SIM2: variants seen among roughly 807,000 people sequenced by gnomAD.
SIM2 encodes the protein single-minded homolog 2.
A neutral mutation model predicts 64.8 loss-of-function variants in SIM2; 28 were observed. The ratio of observed to expected loss-of-function variants is 0.43; its 90% CI spans 0.32 to 0.59. SIM2 has a LOEUF of 0.59. Ranked by LOEUF, SIM2 falls within the 20% of genes least tolerant of loss-of-function variation. SIM2 has a pLI of 0.07. For missense variants in SIM2, 847 were observed against 871.4 expected, an observed-to-expected ratio of 0.97 and a Z score of 0.35; for synonymous variants, 408 against 391.1, an observed-to-expected ratio of 1.04 and a Z score of -0.51.
chr21:36,725,422 A>G (rs2088877423), intron 5 of SIM2, among the ~76,000 whole-genome samples: 1 of 152,160 alleles, frequency 6.6e-6, no homozygotes, highest in African/African-American at 2.4e-5. Flanking sequence ...GTTCAATCCC[A>G]TTGGAAGGTG....
At chr21:36,709,627 G>A (rs1188300291) in intron 2 of SIM2, 1 of 386,392 alleles carries the variant, frequency 2.6e-6, no homozygotes, top group Admixed American at 3.6e-5. Flanking sequence ...AGAAATGATT[G>A]GGCTGCTCTG....
At chr21:36,743,361 T>C (rs1381768373) in intron 8 of SIM2, 26 bp from the exon 9 acceptor site, 1 of 1,597,300 alleles carries the variant, frequency 6.3e-7, no homozygotes, top group Non-Finnish European at 8.5e-7. Context: ...CTGCTGGACA[T>C]GACTCGGCCC....
At chr21:36,717,698 C>A (rs1368946954) in intron 3 of SIM2, among the ~76,000 whole-genome samples, 1 of 152,042 alleles carries the variant, frequency 6.6e-6, no homozygotes, top group Admixed American at 6.6e-5. Flanking sequence ...CCGCCTGCCT[C>A]GGCCTACCAA....
At chr21:36,740,232 C>A (rs1186041093) in intron 7 of SIM2, among the ~76,000 whole-genome samples, 1 of 151,898 alleles carries the variant, frequency 6.6e-6, no homozygotes, top group Non-Finnish European at 1.5e-5. Context: ...CCAAAAGGAG[C>A]CTGTCACCCC....
chr21:36,722,762 G>T (rs966807326), intron 4 of SIM2, among the ~76,000 whole-genome samples: 5 of 152,320 alleles, frequency 3.3e-5, no homozygotes, highest in African/African-American at 9.6e-5. Flanking sequence ...CCAGGAGCGG[G>T]CGACGGCAGG....
At chr21:36,738,572 C>T (rs991132813) in intron 7 of SIM2, among the ~76,000 whole-genome samples, 3 of 152,186 alleles carry the variant, frequency 2.0e-5, no homozygotes, top group African/African-American at 7.2e-5. Flanking sequence ...AGAGAACTTT[C>T]CAGAGGCCGC....
chr21:36,741,657 A>C (rs1445896436), intron 7 of SIM2, 60 bp from the exon 8 acceptor site: 1 of 1,585,970 alleles, frequency 6.3e-7, no homozygotes, highest in African/African-American at 1.3e-5. Flanking sequence ...CGTTGGGGGC[A>C]GCATCCCAGA....
At chr21:36,723,762 C>T (rs572737255) in intron 5 of SIM2, among the ~76,000 whole-genome samples, 26 of 152,308 alleles carry the variant, frequency 1.7e-4, no homozygotes, top group Middle Eastern at 3.4e-3. Context: ...CCTGGCTCCA[C>T]GTCTCTGCCA....
chr21:36,713,563 T>C (rs1399247839), intron 3 of SIM2, among the ~76,000 whole-genome samples: 1 of 152,236 alleles, frequency 6.6e-6, no homozygotes, highest in East Asian at 1.9e-4. Flanking sequence ...TAATGATAGA[T>C]ACAGAGGATG....
intron 7 of SIM2, among the ~76,000 whole-genome samples, chr21:36,737,903 A>G (rs1054130017): frequency 7.3e-6 from 1 of 137,310 alleles, no homozygotes; most frequent in Non-Finnish European, 1.5e-5. Flanking sequence ...CGGAGGTTGC[A>G]GTGAGCCGAG....
Position 36,745,472 on chromosome 21 carries a change from C to T in SIM2, c.1576+336C>T. The T allele has an allele frequency of 1.3e-5, 15 of 1,191,898 alleles. No individual in the cohort carries two copies. Among genetic ancestry groups the T allele is most frequent in the Non-Finnish European group, 1.6e-5 (15 of 948,250 alleles). 73.8% of individuals were successfully genotyped at this position (1,191,898 alleles called of 1,614,324 possible). On this transcript the variant is annotated intron_variant, in intron 10 of 10. Coordinates refer to ENST00000290399, the MANE Select transcript of SIM2 (RefSeq NM_005069.6). The surrounding 1 kb of genome is among the most constrained non-coding windows in gnomAD (Gnocchi z 4.8). ...AACCAGCTCCCATGTGCTGAGAACA[C>T]CCCAGCTGCATTTCTTTTGCAAGAT...
chr21:36,705,801 G>A lies in SIM2; in HGVS notation c.176-3367G>A, dbSNP rs75071410. Among the ~76,000 whole-genome samples, 17 of 152,322 alleles carry A rather than the reference G, an allele frequency of 1.1e-4. No homozygotes were observed. In the East Asian group the frequency reaches 2.9e-3, roughly 26 times the overall value. On this transcript the variant is annotated intron_variant, in intron 1 of 10. Transcript: ENST00000290399. ...CACCTTCTTGTTGTTAACCGCATTT[G>A]ATATTCACAAGAACCCTGTGAGGAG...
rs1283866640 is a variant in SIM2 at position 36,726,499 on chromosome 21, G to T, written c.743+181G>T. Among the ~76,000 whole-genome samples the T allele has an allele frequency of 6.6e-6, 1 of 152,096 alleles. No homozygotes were observed. Among genetic ancestry groups the T allele is most frequent in the Admixed American group, 6.5e-5 (1 of 15,286 alleles). On this transcript the variant is annotated intron_variant, in intron 6 of 10. Coordinates refer to ENST00000290399, the MANE Select transcript of SIM2 (RefSeq NM_005069.6). This position sits in a 1 kb window ranked among gnomAD's most constrained non-coding sequence, Gnocchi z 4.5. ...CATATGTCAGCCTTAGGACTCAAGG[G>T]CTTGTTTTACTTTATTTACTTATTG...
In SIM2 at chr21:36,734,436, A is replaced by G. The variant is rs189646633; in HGVS notation, c.850+3285A>G. Among the ~76,000 whole-genome samples, 536 of 152,318 alleles carry G rather than the reference A, an allele frequency of 3.5e-3. 1 individual carries two copies. Among genetic ancestry groups the G allele is most frequent in the South Asian group, 7.7e-3 (37 of 4,822 alleles). ...AGAATTGGTAATTCAAAGAAAACAGAAAATAGCAAGATTGACAGTGATTGC... is the reference window on the plus strand; with the variant it reads ...AGAATTGGTAATTCAAAGAAAACAGGAAATAGCAAGATTGACAGTGATTGC... On this transcript the variant is annotated intron_variant, in intron 7 of 10. Transcript: ENST00000290399.
In SIM2 at chr21:36,742,664, A is replaced by G. The variant is rs567923279; in HGVS notation, c.999-723A>G. Among the ~76,000 whole-genome samples the G allele has an allele frequency of 5.6e-4, 85 of 152,302 alleles. 1 individual carries two copies. In the South Asian group the frequency reaches 0.017, roughly 31 times the overall value. On this transcript the variant is annotated intron_variant, in intron 8 of 10. Coordinates refer to ENST00000290399, the MANE Select transcript of SIM2 (RefSeq NM_005069.6). ...ATTGTACGTTCAATCACCTTGCTCC[A>G]GGCTGTGACCCTTGCCATGCCGCCA... is the stretch of plus-strand genomic sequence containing the variant.
At chr21:36,736,801 T>A (rs2089058860) in intron 7 of SIM2, among the ~76,000 whole-genome samples, 1 of 150,174 alleles carries the variant, frequency 6.7e-6, no homozygotes, top group African/African-American at 2.5e-5. Flanking sequence ...TTCTTTTTCT[T>A]TCTGTCTTTC....
chr21:36,716,367 C>T (rs1474845885), intron 3 of SIM2, among the ~76,000 whole-genome samples: 2 of 148,312 alleles, frequency 1.3e-5, no homozygotes, highest in Admixed American at 6.9e-5. Context: ...AATAAATATA[C>T]GTATGTAAGA....
intron 1 of SIM2, among the ~76,000 whole-genome samples, chr21:36,706,765 G>A (rs2088590170): frequency 6.6e-6 from 1 of 152,218 alleles, no homozygotes; most frequent in African/African-American, 2.4e-5. Flanking sequence ...GTGCTTGGGA[G>A]GAACATCTAG....
Position 36,699,847 on chromosome 21 carries a change from C to T in SIM2, c.101C>T (p.Thr34Ile), listed in dbSNP as rs940139819. 6.2e-7 allele frequency: 1 copy of T among 1,610,728 alleles called. No individual in the cohort carries two copies. Among genetic ancestry groups the T allele is most frequent in the South Asian group, 1.1e-5 (1 of 90,196 alleles). Residue 34 changes from threonine to isoleucine, a missense_variant, in exon 1 of 11, where the codon ACT becomes ATT. Thr to Ile is a moderately conservative substitution (Grantham distance 89). This residue lies in a region of SIM2 where 397 missense variants were observed against 439.2 expected (regional missense o/e 0.90). Coordinates refer to ENST00000290399, the MANE Select transcript of SIM2 (RefSeq NM_005069.6). This position sits in a 1 kb window ranked among gnomAD's most constrained non-coding sequence, Gnocchi z 5.6. Reference protein sequence around the residue: ...AKLLPLPSAITSQLDKASIIR... With the variant: ...AKLLPLPSAIISQLDKASIIR... The stretch of plus-strand genomic sequence containing the variant: ...CTGCTCCCGCTGCCGTCGGCCATCA[C>T]TTCGCAGCTGGACAAAGCGTCCATC...
Sources: allele counts gnomAD v4.1 joint callset (sites outside exome capture counted in the v4.1 genomes callset), GRCh38; gene constraint gnomAD v4.1.1; regional missense constraint gnomAD v4.1.1; non-coding constraint Gnocchi (gnomAD v3.1); transcripts MANE v1.5; gene names NCBI Gene and HGNC (gene_info 2026-07-23, HGNC 2026-07-21).